The following TRPM7 variants were observed in gnomAD, a reference collection of about 807,000 sequenced individuals.
TRPM7 encodes transient receptor potential cation channel subfamily M member 7, also known as LTRPC ion channel family member 7.
In TRPM7, 134 loss-of-function variants were observed where a neutral mutation model predicts 229.7. The ratio of observed to expected loss-of-function variants is 0.58; its 90% confidence interval spans 0.51 to 0.67. TRPM7 has a LOEUF of 0.67. Ranked by LOEUF, TRPM7 falls within the 30% of genes least tolerant of loss-of-function variation. The probability of loss-of-function intolerance (pLI) is 0.00; values close to 1 mark genes in which losing one functional copy is unlikely to be tolerated. For synonymous variants in TRPM7, 699 were observed against 715.2 expected (o/e 0.98, Z 0.36); for missense variants, 1,901 against 2,210.0 (o/e 0.86, Z 2.80).
At chr15:50,668,297 TA>T (rs1205302132) in intron 1 of TRPM7, among the ~76,000 whole-genome samples, 1 of 152,228 alleles carries the variant, frequency 6.6e-6, no homozygotes, top group African/African-American at 2.4e-5. Flanking sequence ...TGAATTAATG[TA>T]AGACTCATCT....
chr15:50,684,156 GT>G (rs1029107209), intron 1 of TRPM7, among the ~76,000 whole-genome samples: 36 of 142,812 alleles, frequency 2.5e-4, no homozygotes, highest in African/African-American at 4.3e-4. Context: ...TGATTAAGTC[GT>G]TTTTTTTTTT....
chr15:50,621,694 G>A (rs1367268969), intron 12 of TRPM7, among the ~76,000 whole-genome samples: 3 of 152,120 alleles, frequency 2.0e-5, no homozygotes, highest in African/African-American at 4.8e-5. Context: ...ATTTGCAAAC[G>A]TGTTTTCCTC....
At chr15:50,593,561 T>C in intron 25 of TRPM7, 56 bp downstream of exon 25, 2 of 1,550,026 alleles carry the variant, frequency 1.3e-6, no homozygotes, top group South Asian at 1.2e-5. Context: ...ATAAGAAATA[T>C]AACGAATAGA....
At chr15:50,572,752 G>C (rs113111303) in intron 36 of TRPM7, among the ~76,000 whole-genome samples, 1 of 152,166 alleles carries the variant, frequency 6.6e-6, no homozygotes, top group Non-Finnish European at 1.5e-5. Context: ...AAAAAGTATA[G>C]TTGTTTTTAC....
At chr15:50,685,879 T>C (rs534828388) in intron 1 of TRPM7, among the ~76,000 whole-genome samples, 2 of 152,272 alleles carry the variant, frequency 1.3e-5, no homozygotes, top group South Asian at 4.1e-4. Context: ...TGACAGTACA[T>C]TGTCTTGGTC....
At chr15:50,670,959 A>G (rs1301894751) in intron 1 of TRPM7, among the ~76,000 whole-genome samples, 3 of 152,126 alleles carry the variant, frequency 2.0e-5, no homozygotes, top group Non-Finnish European at 2.9e-5. Context: ...AGATTGCTGG[A>G]GCTCAGGAAT....
Position 50,686,598 on chromosome 15 carries a change from C to A in TRPM7, c.-65G>T. On this transcript the variant is annotated 5_prime_UTR_variant, in exon 1 of 39. Coordinates refer to ENST00000646667, the MANE Select transcript of TRPM7 (RefSeq NM_017672.6). ...CCTCCTCCTCCTCCGCGGCCTGTAGCCATCTATCGGGAAGCGTCTCCGGAG... is the reference window on the plus strand; with the variant it reads ...CCTCCTCCTCCTCCGCGGCCTGTAGACATCTATCGGGAAGCGTCTCCGGAG... 2 of 1,596,682 alleles carry A rather than the reference C, an allele frequency of 1.3e-6. No individual in the cohort carries two copies. Among genetic ancestry groups the A allele is most frequent in the Non-Finnish European group, 8.5e-7 (1 of 1,171,872 alleles).
chr15:50,611,160 C>T lies in TRPM7; in HGVS notation c.2213G>A (p.Cys738Tyr). 1.2e-6 allele frequency: 2 copies of T among 1,613,926 alleles called. No homozygotes were observed. Among genetic ancestry groups the T allele is most frequent in the Non-Finnish European group, 1.7e-6 (2 of 1,179,916 alleles). Residue 738 changes from cysteine (C) to tyrosine (Y), a missense_variant, in exon 17 of 39, where the codon TGT (cysteine) becomes TAT (tyrosine). By Grantham distance (194) the Cys-to-Tyr change is radical. This residue lies in a region of TRPM7 where 794 missense variants were observed against 881.9 expected (regional missense o/e 0.90). Transcript: ENST00000646667. ...CATATCAGATAACAACATTTGTGTACAGGTGTGAGCTACAAAAGGTCTAAG... is the reference window on the plus strand; with the variant it reads ...CATATCAGATAACAACATTTGTGTATAGGTGTGAGCTACAAAAGGTCTAAG... ...SRLRPFVAHT[C>Y]TQMLLSDMWM...
intron 1 of TRPM7, among the ~76,000 whole-genome samples, chr15:50,684,823 AAG>A (rs1342309425): frequency 2.0e-5 from 3 of 152,204 alleles, no homozygotes; most frequent in Non-Finnish European, 4.4e-5. Flanking sequence ...TAGAGACTGA[AAG>A]AGTTACCGAC....
chr15:50,569,499 G>C (rs2053767660), intron 38 of TRPM7, among the ~76,000 whole-genome samples: 1 of 152,104 alleles, frequency 6.6e-6, no homozygotes, highest in Non-Finnish European at 1.5e-5. Flanking sequence ...CTGCTTACAT[G>C]TTCTATAGCA....
chr15:50,630,826 C>T (rs1262257657), intron 10 of TRPM7, among the ~76,000 whole-genome samples: 1 of 152,080 alleles, frequency 6.6e-6, no homozygotes, highest in Non-Finnish European at 1.5e-5. Context: ...GTGCACACCA[C>T]CATGCCCAGC....
rs1456769738 is a variant in TRPM7 at position 50,557,201 on chromosome 15, T to C, written c.*4477A>G. 2 of 152,266 alleles carry C rather than the reference T, an allele frequency of 1.3e-5. No individual in the cohort carries two copies. The highest frequency in any genetic ancestry group is 2.4e-5 in the African/African-American group (1 of 41,474). The allele number at this position is 152,266 out of a possible 1,614,324, so 9.4% of individuals were successfully genotyped here. A position where few individuals can be genotyped will look rare whatever the true frequency, so the allele number is the denominator to read the frequency against. ...CATTTATTGAGTATTCTTGCTTTGA[T>C]TGTCTACGTAAGCATGTAAGACTAC... On this transcript the variant is annotated 3_prime_UTR_variant, in exon 39 of 39. Transcript: ENST00000646667.
intron 28 of TRPM7, among the ~76,000 whole-genome samples, chr15:50,583,418 A>G (rs778963480): frequency 6.6e-6 from 1 of 152,178 alleles, no homozygotes; most frequent in Admixed American, 6.5e-5. Flanking sequence ...CCTGTTCCCA[A>G]TCACCCTGAC....
chr15:50,659,613 T>C (rs1055700644), intron 2 of TRPM7, among the ~76,000 whole-genome samples: 4 of 152,196 alleles, frequency 2.6e-5, no homozygotes, highest in East Asian at 3.8e-4. Context: ...ATTATTTCTA[T>C]TGCAAAGTGG....
chr15:50,609,643 G>C lies in TRPM7; in HGVS notation c.2518C>G (p.Pro840Ala). 1 of 1,612,222 alleles carries C rather than the reference G, an allele frequency of 6.2e-7. No individual in the cohort carries two copies. The highest frequency in any genetic ancestry group is 8.5e-7 in the Non-Finnish European group (1 of 1,179,238). The change falls in exon 19 of 39, where the codon CCA (proline) becomes GCA (alanine). Residue 840 changes from proline (P) to alanine (A), a missense_variant. Physicochemically the swap from Pro to Ala is conservative, Grantham distance 27. Transcript: ENST00000646667. ...MEIQMKSKKL[P>A]ITRKFYAFYH... is the part of the protein sequence containing the mutation. ...AAGGCATAAAACTTTCGCGTAATTG[G>C]AAGCTTTTTTGATTTCATTTGTATC...
At chr15:50,660,138 G>A (rs991236245) in intron 2 of TRPM7, among the ~76,000 whole-genome samples, 4 of 152,044 alleles carry the variant, frequency 2.6e-5, no homozygotes, top group Non-Finnish European at 4.4e-5. Flanking sequence ...AATGTGATAC[G>A]ATGTTGTAAT....
chr15:50,594,331 T>G, intron 24 of TRPM7, 98 bp downstream of exon 24: 1 of 1,119,924 alleles, frequency 8.9e-7, no homozygotes, highest in Non-Finnish European at 1.3e-6. Flanking sequence ...ATAACATTAA[T>G]CCACTAAGTC....
chr15:50,565,828 G>GT (rs59711223), intron 38 of TRPM7, among the ~76,000 whole-genome samples: 7,778 of 145,814 alleles, frequency 0.053, 234 homozygotes, highest in Non-Finnish European at 0.075. Context: ...AACTCTTTTT[G>GT]TTTTTTTTTT....
chr15:50,638,203 C>T (rs1395581309), intron 6 of TRPM7, among the ~76,000 whole-genome samples: 1 of 150,530 alleles, frequency 6.6e-6, no homozygotes, highest in Non-Finnish European at 1.5e-5. Flanking sequence ...ACTAAAAATA[C>T]AAAAAATTAG....
Sources: gnomAD v4.1 joint callset for allele counts (sites outside exome capture counted in the v4.1 genomes callset) on GRCh38, gnomAD v4.1.1 for gene constraint, gnomAD v4.1.1 regional missense constraint, MANE v1.5 for transcripts, NCBI Gene and HGNC (gene_info 2026-07-23, HGNC 2026-07-21) for gene names.